SYNJ1: variants seen among roughly 807,000 people sequenced by gnomAD.
The protein encoded by SYNJ1 is synaptojanin 1.
Under a neutral mutation model 168.2 loss-of-function variants are expected in SYNJ1, and 78 were observed. The ratio of observed to expected loss-of-function variants is 0.46; its 90% confidence interval spans 0.39 to 0.56. SYNJ1 has a LOEUF of 0.56. Among genes scored for constraint, SYNJ1 ranks in the 20% least tolerant of loss-of-function variants. The pLI, the probability that SYNJ1 is intolerant of heterozygous loss-of-function variation, is 0.00. For missense variants in SYNJ1, 1,303 were observed against 1,597.6 expected (o/e 0.82, Z 3.14); for synonymous variants, 539 against 548.6 (o/e 0.98, Z 0.24).
At chr21:32,728,069 C>A (rs2122964211), upstream of SYNJ1, 4 of 1,522,922 alleles carry the variant, frequency 2.6e-6, no homozygotes, top group South Asian at 2.4e-5. Flanking sequence ...GGAAGATCCG[C>A]CCCGCGCGAG....
At chr21:32,651,575 C>A (rs1281898557) in intron 22 of SYNJ1, among the ~76,000 whole-genome samples, 3 of 152,190 alleles carry the variant, frequency 2.0e-5, no homozygotes, top group Non-Finnish European at 4.4e-5. Flanking sequence ...TCAAAGTCAA[C>A]AAAATTCTTT....
Position 32,678,697 on chromosome 21 carries a change from A to G in SYNJ1, c.1458T>C (p.Asn486=), listed in dbSNP as rs770368844. 6.2e-7 allele frequency: 1 copy of G among 1,613,276 alleles called. No individual in the cohort carries two copies. The highest frequency in any genetic ancestry group is 8.5e-7 in the Non-Finnish European group (1 of 1,179,690). The change falls in exon 12 of 33, where the codon AAT becomes AAC. Residue 486 remains asparagine (N), a synonymous_variant. Transcript: ENST00000674351. ...IDVLLLGNTL[N]SDLADKARAL... ...CTCGAGCTTTGTCAGCTAAATCACT[A>G]TTCAGAGTATTTCCCAGTAGCAAAA... is the stretch of plus-strand genomic sequence containing the variant.
chr21:32,711,630 A>G (rs959655777), intron 2 of SYNJ1, among the ~76,000 whole-genome samples: 11 of 152,278 alleles, frequency 7.2e-5, no homozygotes, highest in Admixed American at 5.9e-4. Flanking sequence ...GCGCCCAGCA[A>G]TGACTTATAA....
chr21:32,677,339 T>C (rs931974053), intron 12 of SYNJ1, among the ~76,000 whole-genome samples: 3 of 152,174 alleles, frequency 2.0e-5, no homozygotes, highest in Non-Finnish European at 4.4e-5. Context: ...GCTCAAACAG[T>C]TCCCTAATAT....
intron 2 of SYNJ1, among the ~76,000 whole-genome samples, chr21:32,703,891 T>G (rs2042503513): frequency 6.6e-6 from 1 of 152,104 alleles, no homozygotes; most frequent in Admixed American, 6.5e-5. Context: ...TTTTTTTTAT[T>G]TTTTATTTTT....
At position 32,673,335 on chromosome 21, in the gene SYNJ1, C is replaced by G; in HGVS notation, c.1726+5G>C. 2.5e-6 allele frequency: 4 copies of G among 1,600,044 alleles called. No individual in the cohort carries two copies. The highest frequency in any genetic ancestry group is 3.4e-6 in the Non-Finnish European group (4 of 1,174,236). ...TTAACTAAATCCATATTATAAAAAG[C>G]CAACCTTGAAACTCCTGGATGCCAG... On this transcript the variant is annotated splice_donor_5th_base_variant and intron_variant, in intron 14 of 32. Coordinates refer to ENST00000674351, the MANE Select transcript of SYNJ1 (RefSeq NM_203446.3).
At chr21:32,642,369 A>C (rs774837041) in intron 27 of SYNJ1, among the ~76,000 whole-genome samples, 5 of 152,172 alleles carry the variant, frequency 3.3e-5, no homozygotes, top group Non-Finnish European at 7.4e-5. Context: ...ACAAGTGGTG[A>C]CTTTAGTTTG....
chr21:32,726,118 G>T (rs2146426320), intron 2 of SYNJ1, among the ~76,000 whole-genome samples: 1 of 152,278 alleles, frequency 6.6e-6, no homozygotes, highest in East Asian at 1.9e-4. Flanking sequence ...GGGACTACAG[G>T]CGTGAGCCCC....
intron 15 of SYNJ1, among the ~76,000 whole-genome samples, chr21:32,668,376 T>A (rs558115174): frequency 6.6e-6 from 1 of 152,126 alleles, no homozygotes; most frequent in African/African-American, 2.4e-5. Context: ...CCTAAAGAAT[T>A]TGATTAAACC....
chr21:32,660,701 T>C (rs2040662322), intron 18 of SYNJ1, among the ~76,000 whole-genome samples: 1 of 152,272 alleles, frequency 6.6e-6, no homozygotes, highest in African/African-American at 2.4e-5. Flanking sequence ...ACTCGGGCTC[T>C]AGAACTCAGT....
intron 2 of SYNJ1, among the ~76,000 whole-genome samples, chr21:32,702,919 T>C (rs139172935): frequency 2.0e-4 from 31 of 152,396 alleles, no homozygotes; most frequent in Middle Eastern, 3.4e-3. Flanking sequence ...TAGATACTTA[T>C]GACTGTCTCA....
chr21:32,676,428 G>T, intron 12 of SYNJ1, 73 bp from the exon 13 acceptor site: 1 of 1,454,282 alleles, frequency 6.9e-7, no homozygotes, highest in Non-Finnish European at 9.4e-7. Context: ...TGAGTATAGT[G>T]ACAAAACATT....
intron 14 of SYNJ1, 52 bp downstream of exon 14, chr21:32,673,288 A>C: frequency 6.7e-7 from 1 of 1,483,230 alleles, no homozygotes; most frequent in Non-Finnish European, 9.0e-7. Flanking sequence ...TTTCTAGATC[A>C]ATACAACACA....
intron 2 of SYNJ1, among the ~76,000 whole-genome samples, chr21:32,714,819 T>A (rs1204509308): frequency 2.0e-5 from 3 of 152,208 alleles, no homozygotes; most frequent in African/African-American, 4.8e-5. Context: ...AAACAGCACA[T>A]GATATCTCAA....
intron 18 of SYNJ1, among the ~76,000 whole-genome samples, chr21:32,661,836 G>A (rs1480072952): frequency 2.6e-5 from 4 of 151,994 alleles, no homozygotes; most frequent in East Asian, 1.9e-4. Context: ...GGCACTCCCC[G>A]AGAGTTAGGT....
chr21:32,665,860 T>C, intron 17 of SYNJ1, 83 bp downstream of exon 17: 1 of 1,359,328 alleles, frequency 7.4e-7, no homozygotes, highest in Non-Finnish European at 9.8e-7. Context: ...ATCTTAAATT[T>C]CCAAAAACAT....
At chr21:32,672,073 AAAAAAAAAAAAG>A (rs2041220286) in intron 14 of SYNJ1, among the ~76,000 whole-genome samples, 1 of 148,530 alleles carries the variant, frequency 6.7e-6, no homozygotes, top group Admixed American at 6.7e-5. Flanking sequence ...AAAAAAAAAA[AAAAAAAAAAAAG>A]AAAAAGAAAA....
chr21:32,637,406 CTTTTT>C (rs5843562), intron 31 of SYNJ1, among the ~76,000 whole-genome samples: 2 of 100,298 alleles, frequency 2.0e-5, no homozygotes, highest in African/African-American at 4.1e-5. Flanking sequence ...TTTCTTTTTT[CTTTTT>C]TTTTTTTTTT....
chr21:32,670,221 A>T, intron 15 of SYNJ1, 67 bp downstream of exon 15: 1 of 1,238,682 alleles, frequency 8.1e-7, no homozygotes, highest in Non-Finnish European at 1.2e-6. Flanking sequence ...ACAATTACTT[A>T]ATTATCTGTC....
Sources: allele counts gnomAD v4.1 joint callset (sites outside exome capture counted in the v4.1 genomes callset), GRCh38; gene constraint gnomAD v4.1.1; transcripts MANE v1.5; gene names NCBI Gene and HGNC (gene_info 2026-07-23, HGNC 2026-07-21).